The following ZFAND3 variants were observed in gnomAD, a reference collection of about 807,000 sequenced individuals.
ZFAND3 encodes AN1-type zinc finger protein 3.
A neutral mutation model predicts 29.6 loss-of-function variants in ZFAND3; 10 were observed. The observed-to-expected ratio is 0.34, with a 90% CI of 0.21 to 0.57. ZFAND3 has a LOEUF of 0.57. Among genes scored for constraint, ZFAND3 ranks in the 20% least tolerant of loss-of-function variants. ZFAND3 has a pLI of 0.86. For missense variants in ZFAND3, 230 were observed against 304.5 expected (o/e 0.76, Z 1.82); for synonymous variants, 128 against 112.6 (o/e 1.14, Z -0.87).
At chr6:38,013,984 A>C (rs1401281231) in intron 2 of ZFAND3, among the ~76,000 whole-genome samples, 1 of 152,240 alleles carries the variant, frequency 6.6e-6, no homozygotes, top group Non-Finnish European at 1.5e-5. Flanking sequence ...TTTTGATGGC[A>C]TAAGACCTAC....
At chr6:38,031,081 T>G (rs1763550494) in intron 2 of ZFAND3, among the ~76,000 whole-genome samples, 1 of 152,190 alleles carries the variant, frequency 6.6e-6, no homozygotes, top group African/African-American at 2.4e-5. Context: ...AGAGCCAACC[T>G]TTCTTAAGGT....
At chr6:38,032,755 G>A (rs767696793) in intron 2 of ZFAND3, among the ~76,000 whole-genome samples, 28 of 152,174 alleles carry the variant, frequency 1.8e-4, no homozygotes, top group Admixed American at 1.2e-3. Context: ...CTGAAGTTGT[G>A]CCTGCACAGT....
intron 2 of ZFAND3, among the ~76,000 whole-genome samples, chr6:38,057,428 A>G (rs1031102422): frequency 1.3e-5 from 2 of 152,338 alleles, no homozygotes; most frequent in Admixed American, 6.5e-5. Context: ...ATGAAGAGAT[A>G]ACTCTTACTT....
chr6:37,980,161 G>GT (rs1284042886), intron 2 of ZFAND3, among the ~76,000 whole-genome samples: 226 of 50,830 alleles, frequency 4.4e-3, no homozygotes, highest in African/African-American at 0.01. Flanking sequence ...AGAGGTCACT[G>GT]TCTTTTTTTT....
chr6:37,969,916 A>G (rs763860175), intron 2 of ZFAND3, among the ~76,000 whole-genome samples: 3 of 152,162 alleles, frequency 2.0e-5, no homozygotes, highest in Non-Finnish European at 2.9e-5. Context: ...CCTTGTGGTT[A>G]TTAAATTAAT....
chr6:38,148,333 T>C (rs777046651), intron 5 of ZFAND3, among the ~76,000 whole-genome samples: 6 of 152,186 alleles, frequency 3.9e-5, no homozygotes, highest in Non-Finnish European at 7.3e-5. Flanking sequence ...GAAAAAAGAA[T>C]TACATGCTAC....
intron 1 of ZFAND3, among the ~76,000 whole-genome samples, chr6:37,846,913 ATG>A (rs1764190207): frequency 6.6e-6 from 1 of 151,872 alleles, no homozygotes; most frequent in Non-Finnish European, 1.5e-5. Context: ...GGGTTTCACC[ATG>A]TTAGCCAGGA....
At position 38,152,825 on chromosome 6, in the gene ZFAND3, C is replaced by T; in HGVS notation, c.*436C>T. On this transcript the variant is annotated 3_prime_UTR_variant, in exon 6 of 6. Transcript: ENST00000287218. ...CTGTTTAATGATCGGCCTTTCACCTCTTCACTTATCCTTAGTCCCAGTAGC... is the reference window on the plus strand; with the variant it reads ...CTGTTTAATGATCGGCCTTTCACCTTTTCACTTATCCTTAGTCCCAGTAGC... 1.0e-6 allele frequency: 1 copy of T among 986,662 alleles called. No homozygotes were observed. The highest frequency in any genetic ancestry group is 1.2e-6 in the Non-Finnish European group (1 of 830,530). 61.1% of individuals were successfully genotyped at this position (986,662 alleles called of 1,614,324 possible).
At chr6:38,043,629 T>G (rs1395420306) in intron 2 of ZFAND3, among the ~76,000 whole-genome samples, 1 of 141,376 alleles carries the variant, frequency 7.1e-6, no homozygotes, top group Non-Finnish European at 1.5e-5. Context: ...GCTCTTCCCC[T>G]TTCAACATGG....
intron 1 of ZFAND3, among the ~76,000 whole-genome samples, chr6:37,834,045 G>A (rs867441794): frequency 3.3e-5 from 5 of 151,990 alleles, no homozygotes; most frequent in African/African-American, 1.2e-4. Flanking sequence ...AGTTTGCAGT[G>A]GGATTCACTC....
At chr6:37,940,085 C>G (rs1581778602) in intron 2 of ZFAND3, among the ~76,000 whole-genome samples, 2 of 152,096 alleles carry the variant, frequency 1.3e-5, no homozygotes, top group South Asian at 4.2e-4. Flanking sequence ...GTAATATTCC[C>G]TATGTTTCAT....
intron 1 of ZFAND3, among the ~76,000 whole-genome samples, chr6:37,919,919 A>G (rs746894820): frequency 6.6e-6 from 1 of 152,170 alleles, no homozygotes; most frequent in Non-Finnish European, 1.5e-5. Context: ...CAGCCATTTC[A>G]CAGACTAACT....
chr6:38,105,083 CTTG>C (rs1237433577), intron 4 of ZFAND3, among the ~76,000 whole-genome samples: 2 of 152,152 alleles, frequency 1.3e-5, no homozygotes, highest in East Asian at 1.9e-4. Context: ...ACCTCATAGC[CTTG>C]TTGTAACACC....
Position 37,970,963 on chromosome 6 carries a change from C to T in ZFAND3, c.112+40964C>T, listed in dbSNP as rs77887821. 3.3e-4 allele frequency among the ~76,000 whole-genome samples: 50 copies of T among 152,274 alleles called. 1 individual carries two copies. The East Asian group carries it at 6.8e-3, about 21-fold the overall frequency. ...CAAAACCCACTAAGTATGCATTGGT[C>T]TAGGACTACCATTTATGAATATCCT... On this transcript the variant is annotated intron_variant, in intron 2 of 5. Transcript: ENST00000287218.
intron 5 of ZFAND3, among the ~76,000 whole-genome samples, chr6:38,125,874 TTGAA>T (rs1765624652): frequency 1.3e-5 from 2 of 152,224 alleles, no homozygotes; most frequent in South Asian, 4.1e-4. Context: ...CATTTTATGG[TTGAA>T]TGAGTTTTAT....
chr6:37,953,815 TAAC>T (rs1453711805), intron 2 of ZFAND3, among the ~76,000 whole-genome samples: 1 of 152,208 alleles, frequency 6.6e-6, no homozygotes, highest in Non-Finnish European at 1.5e-5. Flanking sequence ...GTCTATTTAA[TAAC>T]CGTTTCTGCT....
At chr6:38,088,427 A>T (rs1044059606) in intron 4 of ZFAND3, 1 of 151,874 alleles carries the variant, frequency 6.6e-6, no homozygotes, top group Non-Finnish European at 1.5e-5. Context: ...AGAGGCGGGG[A>T]TGGTTGATGG....
intron 1 of ZFAND3, among the ~76,000 whole-genome samples, chr6:37,861,547 G>T (rs1017845721): frequency 2.6e-5 from 4 of 152,196 alleles, no homozygotes; most frequent in African/African-American, 7.2e-5. Flanking sequence ...TTTGATCCCA[G>T]CATTAATCTT....
At position 38,152,932 on chromosome 6, in the gene ZFAND3, A is replaced by G; in HGVS notation, c.*543A>G. ...CGTGGCTGGGCTGGGTGGTGGCCTC[A>G]CTCTCCCACAGAGCTGGAAATGGGG... is the stretch of plus-strand genomic sequence containing the variant. On this transcript the variant is annotated 3_prime_UTR_variant, in exon 6 of 6. Coordinates refer to ENST00000287218, the MANE Select transcript of ZFAND3 (RefSeq NM_021943.3). 2.0e-6 allele frequency: 2 copies of G among 985,298 alleles called. No homozygotes were observed. The highest frequency in any genetic ancestry group is 2.4e-6 in the Non-Finnish European group (2 of 829,844). 61.0% of individuals were successfully genotyped at this position (985,298 alleles called of 1,614,324 possible). A position where few individuals can be genotyped will look rare whatever the true frequency, so the allele number is the denominator to read the frequency against.
Sources: allele counts gnomAD v4.1 joint callset (sites outside exome capture counted in the v4.1 genomes callset), GRCh38; gene constraint gnomAD v4.1.1; transcripts MANE v1.5; gene names NCBI Gene and HGNC (gene_info 2026-07-23, HGNC 2026-07-21).